SYNPR: variants seen among roughly 807,000 people sequenced by gnomAD.
SYNPR encodes the protein synaptoporin.
In SYNPR, 23 loss-of-function variants were observed where a neutral mutation model predicts 32.9. The observed-to-expected ratio is 0.70, with a 90% CI of 0.50 to 0.99. SYNPR has a LOEUF of 0.99. Ranked by LOEUF, SYNPR falls within the 50% of genes least tolerant of loss-of-function variation. The probability of loss-of-function intolerance (pLI) is 0.00; values close to 1 mark genes in which losing one functional copy is unlikely to be tolerated. For synonymous variants in SYNPR, 146 were observed against 135.9 expected, an observed-to-expected ratio of 1.07 and a Z score of -0.52; for missense variants, 318 against 349.3, an observed-to-expected ratio of 0.91 and a Z score of 0.71.
chr3:63,261,465 A>T (rs1156674484), intron 2 of SYNPR, among the ~76,000 whole-genome samples: 4 of 150,604 alleles, frequency 2.7e-5, no homozygotes, highest in Non-Finnish European at 5.9e-5. Context: ...CTATTGCAAG[A>T]ACAAAAAACC....
intron 2 of SYNPR, among the ~76,000 whole-genome samples, chr3:63,331,772 G>A (rs2087232942): frequency 6.6e-6 from 1 of 152,198 alleles, no homozygotes; most frequent in African/African-American, 2.4e-5. Flanking sequence ...GAGAGGTTCA[G>A]AAACTTTTCT....
chr3:63,273,781 T>A (rs975935120), upstream of SYNPR, among the ~76,000 whole-genome samples: 3 of 152,224 alleles, frequency 2.0e-5, no homozygotes, highest in East Asian at 5.8e-4. Flanking sequence ...TGTGATGAAC[T>A]TTTAAACTAA....
intron 2 of SYNPR, among the ~76,000 whole-genome samples, chr3:63,442,296 G>C (rs1319862088): frequency 1.3e-5 from 2 of 151,922 alleles, no homozygotes; most frequent in Non-Finnish European, 2.9e-5. Flanking sequence ...AAAGACTTTG[G>C]ACAACTCCAA....
intron 2 of SYNPR, among the ~76,000 whole-genome samples, chr3:63,293,725 G>A (rs937029225): frequency 2.6e-5 from 4 of 152,128 alleles, no homozygotes; most frequent in African/African-American, 9.7e-5. Context: ...AATATTTGGT[G>A]TTCCTTGGCT....
intron 2 of SYNPR, among the ~76,000 whole-genome samples, chr3:63,401,200 T>C (rs557441908): frequency 1.8e-4 from 28 of 152,156 alleles, no homozygotes; most frequent in Non-Finnish European, 2.9e-4. Flanking sequence ...TGCAGGCAGA[T>C]TGGTGGCGCA....
intron 3 of SYNPR, 40 bp from the exon 4 acceptor site, chr3:63,556,503 A>T: frequency 1.3e-6 from 2 of 1,551,520 alleles, no homozygotes; most frequent in Admixed American, 1.9e-5. Context: ...TTTTGTCTCC[A>T]TTGCATTTAA....
chr3:63,338,907 G>A (rs1385573647), intron 2 of SYNPR, among the ~76,000 whole-genome samples: 1 of 152,080 alleles, frequency 6.6e-6, no homozygotes, highest in Non-Finnish European at 1.5e-5. Context: ...CTCCTTCATG[G>A]GCCAAAGTAA....
At chr3:63,613,772 A>G (rs1033960792) in intron 5 of SYNPR, among the ~76,000 whole-genome samples, 1 of 152,068 alleles carries the variant, frequency 6.6e-6, no homozygotes. Flanking sequence ...CCTCCCAACT[A>G]CCTTCCAAGA....
intron 2 of SYNPR, among the ~76,000 whole-genome samples, chr3:63,402,998 G>A (rs960896032): frequency 6.6e-6 from 1 of 152,160 alleles, no homozygotes; most frequent in African/African-American, 2.4e-5. Flanking sequence ...ATGAGACCAA[G>A]GGGCTCTGGA....
At chr3:63,506,253 T>C (rs537178266) in intron 3 of SYNPR, among the ~76,000 whole-genome samples, 24 of 152,292 alleles carry the variant, frequency 1.6e-4, no homozygotes, top group Admixed American at 5.2e-4. Flanking sequence ...AATGCCATGA[T>C]TGGACAGTGG....
chr3:63,359,308 A>G (rs1413873025), intron 2 of SYNPR, among the ~76,000 whole-genome samples: 1 of 152,174 alleles, frequency 6.6e-6, no homozygotes, highest in Non-Finnish European at 1.5e-5. Context: ...AGAGAATTTG[A>G]ATGTGAATTA....
rs372228078 is a variant in SYNPR, at chr3:63,596,889, TAACATGTG to T, written c.409-12235_409-12228del. Among the ~76,000 whole-genome samples the T allele has an allele frequency of 2.5e-3, 382 of 152,310 alleles. 4 individuals carry two copies. Among genetic ancestry groups the T allele is most frequent in the African/African-American group, 8.8e-3 (366 of 41,564 alleles). On this transcript the variant is annotated intron_variant, in intron 4 of 5. Coordinates refer to ENST00000478300, the MANE Select transcript of SYNPR (RefSeq NM_001130003.2). ...ATGCTGTCCAATAGGATAGCACTAG[TAACATGTG>T]GTTATTGAGCACTGAAATGTGGTTA...
At chr3:63,614,098 C>T (rs1700243475) in intron 5 of SYNPR, among the ~76,000 whole-genome samples, 1 of 152,196 alleles carries the variant, frequency 6.6e-6, no homozygotes, top group African/African-American at 2.4e-5. Flanking sequence ...TAGATATTGA[C>T]CCAGCAAAGG....
At chr3:63,426,060 C>T (rs998653126) in intron 2 of SYNPR, among the ~76,000 whole-genome samples, 2 of 152,088 alleles carry the variant, frequency 1.3e-5, no homozygotes, top group African/African-American at 2.4e-5. Flanking sequence ...GCTGGAATTA[C>T]GGGCATGAGC....
At chr3:63,512,540 AG>A (rs1204354862) in intron 3 of SYNPR, among the ~76,000 whole-genome samples, 2 of 152,150 alleles carry the variant, frequency 1.3e-5, no homozygotes, top group Non-Finnish European at 2.9e-5. Context: ...GGTCCTTAAA[AG>A]TGAAAGAGGG....
At chr3:63,562,037 G>C (rs1702699748) in intron 4 of SYNPR, among the ~76,000 whole-genome samples, 1 of 152,190 alleles carries the variant, frequency 6.6e-6, no homozygotes, top group African/African-American at 2.4e-5. Context: ...ACTACAGTAA[G>C]TGTCTTCATG....
chr3:63,603,323 G>T (rs1438829941), intron 4 of SYNPR, among the ~76,000 whole-genome samples: 1 of 152,036 alleles, frequency 6.6e-6, no homozygotes, highest in African/African-American at 2.4e-5. Context: ...TTCCTATTTG[G>T]ATGCCTTTCA....
At chr3:63,255,475 A>G (rs184712634) in intron 2 of SYNPR, among the ~76,000 whole-genome samples, 2 of 152,348 alleles carry the variant, frequency 1.3e-5, no homozygotes, top group East Asian at 1.9e-4. Context: ...CTGTGAAGGA[A>G]AAAAGGCTGA....
At chr3:63,417,304 A>T (rs770125271) in intron 2 of SYNPR, among the ~76,000 whole-genome samples, 6 of 152,240 alleles carry the variant, frequency 3.9e-5, no homozygotes, top group African/African-American at 9.6e-5. Flanking sequence ...TCCAGGTCAC[A>T]CTGTTGCAAG....
Sources: allele counts gnomAD v4.1 joint callset (sites outside exome capture counted in the v4.1 genomes callset), GRCh38; gene constraint gnomAD v4.1.1; transcripts MANE v1.5; gene names NCBI Gene and HGNC (gene_info 2026-07-23, HGNC 2026-07-21).